NOMO1: variants seen among roughly 807,000 people sequenced by gnomAD.
NOMO1 encodes nodal modulator 3.
A neutral mutation model predicts 133.8 loss-of-function variants in NOMO1; 40 were observed. That is an observed-to-expected ratio of 0.30 (90% CI 0.23 to 0.39). The LOEUF is 0.39. Among genes scored for constraint, NOMO1 ranks in the 10% least tolerant of loss-of-function variants. The pLI is 1.00. For missense variants in NOMO1, 462 were observed against 1,419.9 expected (o/e 0.33, Z 10.84); for synonymous variants, 236 against 570.5 (o/e 0.41, Z 8.36).
intron 6 of NOMO1, among the ~76,000 whole-genome samples, chr16:14,850,862 A>G (rs902743763): frequency 4.6e-5 from 7 of 151,746 alleles, no homozygotes; most frequent in Non-Finnish European, 1.0e-4. Context: ...TGGGTGGATC[A>G]CTTGAGGTCA....
At chr16:14,874,714 G>A (rs567597475) in intron 18 of NOMO1, among the ~76,000 whole-genome samples, 19 of 152,082 alleles carry the variant, frequency 1.2e-4, no homozygotes, top group African/African-American at 4.3e-4. Context: ...AGTTCTCAGC[G>A]AAGGTAGAAT....
In NOMO1 at chr16:14,860,578, A is replaced by C. The variant is rs1453387498; in HGVS notation, c.1221-2435A>C. Among the ~76,000 whole-genome samples the C allele has an allele frequency of 5.9e-5, 9 of 151,834 alleles. No homozygotes were observed. The East Asian group carries it at 1.5e-3, about 26-fold the overall frequency. ...CAGGCGGCTGGCAGGCGAGGGAGCG[A>C]GGAGTAGATGGATTTGGTAGGTCAC... is the stretch of plus-strand genomic sequence containing the variant. On this transcript the variant is annotated intron_variant, in intron 11 of 30. Coordinates refer to ENST00000287667, the MANE Select transcript of NOMO1 (RefSeq NM_014287.4).
chr16:14,864,444 T>C, intron 12 of NOMO1, 141 bp from the exon 13 acceptor site: 1 of 1,476,466 alleles, frequency 6.8e-7, no homozygotes, highest in Non-Finnish European at 9.1e-7. Context: ...TTTGTTGTGA[T>C]TGTAAAATCG....
intron 3 of NOMO1, among the ~76,000 whole-genome samples, chr16:14,841,815 A>G (rs1215508525): frequency 6.6e-6 from 1 of 151,450 alleles, no homozygotes; most frequent in Non-Finnish European, 1.5e-5. Flanking sequence ...ATTTGTCATA[A>G]AAATCCAGAT....
At chr16:14,836,919 A>T (rs954458599) in intron 1 of NOMO1, among the ~76,000 whole-genome samples, 1 of 150,928 alleles carries the variant, frequency 6.6e-6, no homozygotes, top group Non-Finnish European at 1.5e-5. Flanking sequence ...GTTAGCCAGG[A>T]TGGTCTCGAT....
At chr16:14,840,505 T>G (rs1018478020) in intron 2 of NOMO1, among the ~76,000 whole-genome samples, 1 of 117,516 alleles carries the variant, frequency 8.5e-6, no homozygotes, top group Admixed American at 9.0e-5. Context: ...GAGAATCGCT[T>G]GAACCCAGGA....
At chr16:14,887,815 G>A (rs1388946022) in intron 28 of NOMO1, among the ~76,000 whole-genome samples, 3 of 151,958 alleles carry the variant, frequency 2.0e-5, no homozygotes, top group Admixed American at 6.6e-5. Flanking sequence ...AGGAAATACA[G>A]TTTCCTCATG....
At position 14,864,569 on chromosome 16, in the gene NOMO1, A is replaced by G; in HGVS notation, c.1396-16A>G. On this transcript the variant is annotated splice_polypyrimidine_tract_variant and intron_variant, in intron 12 of 30. Coordinates refer to ENST00000287667, the MANE Select transcript of NOMO1 (RefSeq NM_014287.4). ...CCCCGAATGCAGCCTCTAACGTTCC[A>G]TCCACGTTTCCACAGGTGATGGTTC... 6.2e-7 allele frequency: 1 copy of G among 1,613,514 alleles called. No individual in the cohort carries two copies. Among genetic ancestry groups the G allele is most frequent in the South Asian group, 1.1e-5 (1 of 91,052 alleles).
At chr16:14,895,386 C>G in intron 30 of NOMO1, 128 bp from the exon 31 acceptor site, 1 of 1,522,204 alleles carries the variant, frequency 6.6e-7, no homozygotes, top group South Asian at 1.2e-5. Flanking sequence ...AACTGAAACC[C>G]ACCCATTAGC....
chr16:14,859,284 CTT>C lies in NOMO1; in HGVS notation c.1220+1632_1220+1633del, dbSNP rs201915228. 2.6e-3 allele frequency among the ~76,000 whole-genome samples: 397 copies of C among 151,938 alleles called. 1 individual carries two copies. Among genetic ancestry groups the C allele is most frequent in the African/African-American group, 9.0e-3 (372 of 41,302 alleles). On this transcript the variant is annotated intron_variant, in intron 11 of 30. Coordinates refer to ENST00000287667, the MANE Select transcript of NOMO1 (RefSeq NM_014287.4). ...GATCACTGAGGAGGCCACAGTGACT[CTT>C]TTCTGTAGACAGATGGAGGTCGAGG...
chr16:14,856,829 G>T (rs950134826), intron 9 of NOMO1, among the ~76,000 whole-genome samples: 10 of 152,024 alleles, frequency 6.6e-5, no homozygotes, highest in East Asian at 5.8e-4. Context: ...GCGGGGCGGG[G>T]CATCCAAAGT....
chr16:14,840,556 C>A (rs1454922627), intron 2 of NOMO1, among the ~76,000 whole-genome samples: 1 of 142,824 alleles, frequency 7.0e-6, no homozygotes, highest in East Asian at 2.0e-4. Context: ...CACTTCACTC[C>A]AGCCTGGGCA....
At chr16:14,883,339 CTT>C (rs1239971993) in intron 26 of NOMO1, among the ~76,000 whole-genome samples, 16 of 140,892 alleles carry the variant, frequency 1.1e-4, no homozygotes, top group Admixed American at 2.1e-4. Flanking sequence ...TTTTCTTTTT[CTT>C]TTTTTTTTTT....
chr16:14,868,628 C>T lies in NOMO1; in HGVS notation c.1887C>T (p.Ser629=), dbSNP rs757143209. ...LSKGVNRFCL[S]KPGVYKVTPR... Reference sequence around the variant, plus strand: ...AAGGAGTCAACCGATTCTGCCTGTCCAAGCCTGGTAAGTTTGGAAGGATTG... The same window carrying T: ...AAGGAGTCAACCGATTCTGCCTGTCTAAGCCTGGTAAGTTTGGAAGGATTG... Residue 629 remains serine, a synonymous_variant, in exon 16 of 31, where the codon TCC becomes TCT. Transcript: ENST00000287667. 29 of 1,580,972 alleles carry T rather than the reference C, an allele frequency of 1.8e-5. No individual in the cohort carries two copies. The highest frequency in any genetic ancestry group is 2.4e-5 in the Non-Finnish European group (28 of 1,153,652).
At position 14,845,129 on chromosome 16, in the gene NOMO1, C is replaced by G. The variant is rs531221840; in HGVS notation, c.402+355C>G. On this transcript the variant is annotated intron_variant, in intron 4 of 30. Coordinates refer to ENST00000287667, the MANE Select transcript of NOMO1 (RefSeq NM_014287.4). Reference sequence around the variant, plus strand: ...CTCCACCTCCCAGGTTCAAGTGATTCTCCTGCCTCACCCTCCCGCTCCTTC... The same window carrying G: ...CTCCACCTCCCAGGTTCAAGTGATTGTCCTGCCTCACCCTCCCGCTCCTTC... Among the ~76,000 whole-genome samples the G allele has an allele frequency of 2.0e-5, 3 of 151,960 alleles. No homozygotes were observed. The East Asian group carries it at 5.8e-4, about 29-fold the overall frequency.
intron 11 of NOMO1, among the ~76,000 whole-genome samples, chr16:14,861,503 G>T (rs1963922211): frequency 1.4e-5 from 2 of 143,276 alleles, no homozygotes; most frequent in Admixed American, 1.4e-4. Flanking sequence ...TAGACAAGGT[G>T]ATGTGTCCTC....
rs1212826119 is a variant in NOMO1 at position 14,856,273 on chromosome 16, A to G, written c.964-944A>G. 2.0e-5 allele frequency among the ~76,000 whole-genome samples: 3 copies of G among 152,034 alleles called. No individual in the cohort carries two copies. The East Asian group carries it at 5.8e-4, about 29-fold the overall frequency. On this transcript the variant is annotated intron_variant, in intron 9 of 30. Coordinates refer to ENST00000287667, the MANE Select transcript of NOMO1 (RefSeq NM_014287.4). ...GGTTAGCAGTGGTGACCTTGGGGAT[A>G]CACAGATCAGGGCTGGAACTCAGTA...
intron 15 of NOMO1, among the ~76,000 whole-genome samples, chr16:14,867,174 A>ATT (rs1214789923): frequency 6.5e-4 from 9 of 13,934 alleles, no homozygotes; most frequent in Admixed American, 1.8e-3. Context: ...ATATATATAT[A>ATT]TATTTTTTTT....
At chr16:14,858,984 T>C (rs1012025077) in intron 11 of NOMO1, among the ~76,000 whole-genome samples, 19 of 151,976 alleles carry the variant, frequency 1.3e-4, no homozygotes, top group Admixed American at 2.6e-4. Context: ...TTTGGCCACA[T>C]TGGTCTGTAG....
Sources: gnomAD v4.1 joint callset for allele counts (sites outside exome capture counted in the v4.1 genomes callset) on GRCh38, gnomAD v4.1.1 for gene constraint, MANE v1.5 for transcripts, NCBI Gene and HGNC (gene_info 2026-07-23, HGNC 2026-07-21) for gene names.